KAZN: variants seen among roughly 807,000 people sequenced by gnomAD.
KAZN encodes kazrin, periplakin interacting protein, also known as kazrin.
Under a neutral mutation model 87.4 loss-of-function variants are expected in KAZN, and 40 were observed. The observed-to-expected ratio is 0.46, with a 90% confidence interval of 0.36 to 0.60. The LOEUF (loss-of-function observed/expected upper bound fraction) is 0.60, where lower values mean the gene tolerates loss of function less well. Among genes scored for constraint, KAZN ranks in the 20% least tolerant of loss-of-function variants. KAZN has a pLI of 0.00. For synonymous variants in KAZN, 466 were observed against 458.3 expected, an observed-to-expected ratio of 1.02 and a Z score of -0.22; for missense variants, 898 against 1,073.9, an observed-to-expected ratio of 0.84 and a Z score of 2.29.
At chr1:14,818,424 G>A (rs951820997) in intron 1 of KAZN, among the ~76,000 whole-genome samples, 2 of 152,228 alleles carry the variant, frequency 1.3e-5, no homozygotes, top group African/African-American at 4.8e-5. Context: ...TTACCCAGGT[G>A]GGTGCCACAG....
At chr1:13,981,344 A>G (rs575920201) in intron 1 of KAZN, among the ~76,000 whole-genome samples, 35 of 149,506 alleles carry the variant, frequency 2.3e-4, no homozygotes, top group African/African-American at 5.8e-4. Context: ...TTAAATATAC[A>G]TTTAATATTT....
At chr1:14,774,904 T>C (rs1287249636) in intron 1 of KAZN, among the ~76,000 whole-genome samples, 1 of 152,172 alleles carries the variant, frequency 6.6e-6, no homozygotes, top group Non-Finnish European at 1.5e-5. Context: ...TTGTCCCTTC[T>C]CCTTCGTTCA....
intron 1 of KAZN, among the ~76,000 whole-genome samples, chr1:14,741,941 T>A (rs1465938604): frequency 6.6e-6 from 1 of 151,864 alleles, no homozygotes; most frequent in Admixed American, 6.6e-5. Context: ...CTCTTGTGGT[T>A]GTTTTTTTTT....
intron 1 of KAZN, among the ~76,000 whole-genome samples, chr1:14,672,541 C>T (rs758150384): frequency 6.6e-6 from 1 of 152,232 alleles, no homozygotes; most frequent in Non-Finnish European, 1.5e-5. Context: ...AATCAGCTCT[C>T]TCCTCTCTGG....
intron 2 of KAZN, among the ~76,000 whole-genome samples, chr1:14,396,605 C>T (rs1294590461): frequency 1.3e-5 from 2 of 152,184 alleles, no homozygotes; most frequent in African/African-American, 2.4e-5. Context: ...CTTGAAATTA[C>T]TGGGGATGAT....
intron 1 of KAZN, among the ~76,000 whole-genome samples, chr1:14,724,928 T>A (rs116965188): frequency 0.012 from 1,815 of 152,280 alleles, 43 homozygotes; most frequent in South Asian, 0.087. Flanking sequence ...CCTCCCAGCA[T>A]CCCAAGTATG....
chr1:14,053,908 T>C (rs990940036), intron 1 of KAZN, among the ~76,000 whole-genome samples: 15 of 152,030 alleles, frequency 9.9e-5, no homozygotes, highest in African/African-American at 3.6e-4. Context: ...CTTCTTACAA[T>C]AAAGTAAGCT....
chr1:14,672,750 G>T (rs1639987712), intron 1 of KAZN, among the ~76,000 whole-genome samples: 2 of 152,208 alleles, frequency 1.3e-5, no homozygotes, highest in South Asian at 4.1e-4. Flanking sequence ...TTGCTTTGCG[G>T]AGACAGCAGC....
At chr1:14,879,479 CA>C (rs1653104367) in intron 1 of KAZN, among the ~76,000 whole-genome samples, 2 of 152,042 alleles carry the variant, frequency 1.3e-5, no homozygotes, top group Non-Finnish European at 2.9e-5. Flanking sequence ...ATGTTATCAA[CA>C]TTATTAGCAT....
chr1:14,388,070 C>T lies in KAZN; in HGVS notation c.249+207478C>T, dbSNP rs541455709. Among the ~76,000 whole-genome samples the T allele has an allele frequency of 2.1e-3, 319 of 152,180 alleles. 1 individual carries two copies. The highest frequency in any genetic ancestry group is 6.9e-3 in the African/African-American group (286 of 41,470). ...GCGCAGTATTCGGGTGGGAGTGACC[C>T]GATTTTCCAGGTGCCGTCTGTCACC... is the stretch of plus-strand genomic sequence containing the variant. On this transcript the variant is annotated intron_variant, in intron 2 of 16. Transcript: ENST00000636203.
At chr1:13,952,984 C>T (rs1490091312) in intron 1 of KAZN, among the ~76,000 whole-genome samples, 5 of 152,126 alleles carry the variant, frequency 3.3e-5, no homozygotes, top group South Asian at 2.1e-4. Flanking sequence ...AAAAGATATT[C>T]GAACAGCCAA....
rs191534125 is a variant in KAZN, at chr1:14,931,910, C to G, written c.227-28774C>G. On this transcript the variant is annotated intron_variant, in intron 1 of 14. Transcript: ENST00000376030. ...AATCTCGCTTTTTTTCCTCTTTATG[C>G]CAACCCCTGTCCGGGCACGCGTGTT... Among the ~76,000 whole-genome samples, 589 of 152,226 alleles carry G rather than the reference C, an allele frequency of 3.9e-3. 6 individuals are homozygous for G. The highest frequency in any genetic ancestry group is 0.014 in the African/African-American group (561 of 41,532).
chr1:14,863,241 C>T (rs768889022), intron 1 of KAZN, among the ~76,000 whole-genome samples: 10 of 152,250 alleles, frequency 6.6e-5, no homozygotes, highest in African/African-American at 1.7e-4. Context: ...AGGCATCCCC[C>T]GGGAATGTAC....
At chr1:14,068,320 A>C (rs956744735) in intron 1 of KAZN, among the ~76,000 whole-genome samples, 4 of 152,160 alleles carry the variant, frequency 2.6e-5, no homozygotes, top group African/African-American at 9.7e-5. Context: ...GCAAGTTTAA[A>C]TGTTATTGAT....
At chr1:14,229,745 T>C (rs1014917082) in intron 2 of KAZN, among the ~76,000 whole-genome samples, 3 of 152,254 alleles carry the variant, frequency 2.0e-5, no homozygotes, top group Non-Finnish European at 4.4e-5. Flanking sequence ...CTTCATTTCT[T>C]AGATTTCTTG....
At chr1:14,511,228 A>C (rs1013574331) in intron 2 of KAZN, among the ~76,000 whole-genome samples, 1 of 152,222 alleles carries the variant, frequency 6.6e-6, no homozygotes, top group Non-Finnish European at 1.5e-5. Flanking sequence ...TTGTCAAGCC[A>C]GTTTTGAAAG....
chr1:14,751,849 C>T (rs1644420367), intron 1 of KAZN, among the ~76,000 whole-genome samples: 1 of 152,202 alleles, frequency 6.6e-6, no homozygotes, highest in Non-Finnish European at 1.5e-5. Flanking sequence ...TATGCCATCA[C>T]AGGCAGCCAC....
At chr1:14,036,128 A>G (rs986296209) in intron 1 of KAZN, among the ~76,000 whole-genome samples, 7 of 152,324 alleles carry the variant, frequency 4.6e-5, no homozygotes, top group African/African-American at 1.7e-4. Flanking sequence ...TGCAAAAGAG[A>G]GGAGGCACAA....
chr1:13,996,570 A>C lies in KAZN; in HGVS notation c.91+102814A>C, dbSNP rs368463341. ...AGATGTGTCTCCCACAGCCCAACAC[A>C]CCGGCTGTGGCAGACTGCAGCCAGA... On this transcript the variant is annotated intron_variant, in intron 1 of 16. Transcript: ENST00000636203. Among the ~76,000 whole-genome samples, 103 of 152,240 alleles carry C rather than the reference A, an allele frequency of 6.8e-4. 1 individual carries two copies. Among genetic ancestry groups the C allele is most frequent in the African/African-American group, 2.1e-3 (89 of 41,546 alleles).
Sources: allele counts gnomAD v4.1 joint callset (sites outside exome capture counted in the v4.1 genomes callset), GRCh38; gene constraint gnomAD v4.1.1; transcripts MANE v1.5; gene names NCBI Gene and HGNC (gene_info 2026-07-23, HGNC 2026-07-21).